The following VPS8 variants were observed in gnomAD, a reference collection of about 807,000 sequenced individuals.
The protein encoded by VPS8 is VPS8 subunit of CORVET complex.
VPS8 carries 129 observed loss-of-function variants against 216.4 expected under a neutral mutation model. The ratio of observed to expected loss-of-function variants is 0.60; its 90% CI spans 0.52 to 0.69. VPS8 has a LOEUF of 0.69. VPS8 is among the 30% of genes least tolerant of loss of function. The probability of loss-of-function intolerance (pLI) is 0.00; values close to 1 mark genes in which losing one functional copy is unlikely to be tolerated. For synonymous variants in VPS8, 571 were observed against 565.4 expected (o/e 1.01, Z -0.14); for missense variants, 1,531 against 1,683.5 (o/e 0.91, Z 1.59).
intron 42 of VPS8, among the ~76,000 whole-genome samples, chr3:184,984,213 A>AT (rs1225106871): frequency 6.9e-6 from 1 of 145,674 alleles, no homozygotes; most frequent in Non-Finnish European, 1.5e-5. Context: ...CCCATCTGAT[A>AT]TTAAGCTTCT....
chr3:185,047,270 C>T (rs1713137165), intron 46 of VPS8, among the ~76,000 whole-genome samples: 1 of 152,310 alleles, frequency 6.6e-6, no homozygotes, highest in South Asian at 2.1e-4. Context: ...TTGCAGAGTC[C>T]CGTGCATCTG....
At chr3:184,850,729 A>G (rs750258016) in intron 10 of VPS8, among the ~76,000 whole-genome samples, 6 of 152,216 alleles carry the variant, frequency 3.9e-5, no homozygotes, top group African/African-American at 1.4e-4. Context: ...CAGATCTTCT[A>G]GATTTTAATC....
chr3:184,978,125 T>G (rs920874909), intron 40 of VPS8, among the ~76,000 whole-genome samples: 13 of 152,082 alleles, frequency 8.5e-5, no homozygotes, highest in Admixed American at 7.9e-4. Flanking sequence ...GTTATATTGA[T>G]CTGTTCAGGG....
intron 25 of VPS8, among the ~76,000 whole-genome samples, chr3:184,904,945 A>T (rs1240710895): frequency 6.6e-6 from 1 of 152,230 alleles, no homozygotes; most frequent in African/African-American, 2.4e-5. Flanking sequence ...ACGTCTTACA[A>T]TTCTGGTGCC....
At chr3:184,837,480 A>G (rs1315390850) in intron 5 of VPS8, among the ~76,000 whole-genome samples, 2 of 152,160 alleles carry the variant, frequency 1.3e-5, no homozygotes, top group Admixed American at 1.3e-4. Flanking sequence ...TCAGTCATTT[A>G]TTAACTATGT....
At chr3:184,973,314 T>C (rs1178848223) in intron 40 of VPS8, among the ~76,000 whole-genome samples, 2 of 152,214 alleles carry the variant, frequency 1.3e-5, no homozygotes, top group East Asian at 3.8e-4. Flanking sequence ...ATAATTTTAG[T>C]AAAATTGCAT....
Position 184,863,005 on chromosome 3 carries a change from C to T in VPS8, c.1333C>T (p.Leu445=), listed in dbSNP as rs755820063. The change falls in exon 16 of 48, where the codon CTG becomes TTG. Residue 445 remains leucine (L), a synonymous_variant. Transcript: ENST00000625842. ...LETVEISEVQ[L]VYNSSHFKSL... ...GACAGTGGAGATCTCAGAAGTTCAGCTGGTCTACAATAGCAGCCATTTCAA... is the reference window on the plus strand; with the variant it reads ...GACAGTGGAGATCTCAGAAGTTCAGTTGGTCTACAATAGCAGCCATTTCAA... 2.5e-6 allele frequency: 4 copies of T among 1,612,702 alleles called. No individual in the cohort carries two copies. In the East Asian group the frequency reaches 8.9e-5, roughly 36 times the overall value.
At chr3:184,832,930 A>C in intron 4 of VPS8, 111 bp downstream of exon 4, 1 of 1,307,980 alleles carries the variant, frequency 7.6e-7, no homozygotes, top group Non-Finnish European at 1.0e-6. Context: ...CTTGCATGGG[A>C]AGTAGAAGGG....
intron 36 of VPS8, among the ~76,000 whole-genome samples, chr3:184,948,376 G>T (rs140633470): frequency 3.9e-4 from 60 of 152,146 alleles, no homozygotes; most frequent in African/African-American, 1.4e-3. Context: ...AATTAGCCAG[G>T]CATGGTAGTC....
intron 36 of VPS8, among the ~76,000 whole-genome samples, chr3:184,951,604 G>A (rs1171426974): frequency 6.6e-6 from 1 of 152,180 alleles, no homozygotes; most frequent in Non-Finnish European, 1.5e-5. Context: ...CTGAGTAAGA[G>A]TGGATATGTG....
chr3:185,011,943 G>C (rs1188261741), intron 45 of VPS8, among the ~76,000 whole-genome samples: 1 of 152,098 alleles, frequency 6.6e-6, no homozygotes, highest in African/African-American at 2.4e-5. Context: ...TGAACACATG[G>C]GGAAACGTCA....
At chr3:185,040,294 C>G (rs1328072968) in intron 46 of VPS8, among the ~76,000 whole-genome samples, 2 of 152,184 alleles carry the variant, frequency 1.3e-5, no homozygotes, top group Non-Finnish European at 2.9e-5. Flanking sequence ...TTTTAACAAG[C>G]AGTGTTCTGC....
chr3:185,020,345 A>T (rs745795598), intron 45 of VPS8, among the ~76,000 whole-genome samples: 2 of 152,204 alleles, frequency 1.3e-5, no homozygotes, highest in Non-Finnish European at 2.9e-5. Context: ...AGTGATTCCA[A>T]ATTTTAATAG....
At chr3:185,005,842 G>A (rs570555870) in intron 45 of VPS8, among the ~76,000 whole-genome samples, 70 of 152,116 alleles carry the variant, frequency 4.6e-4, no homozygotes, top group East Asian at 2.9e-3. Flanking sequence ...TGTCATTGGC[G>A]AACAGTGATG....
At chr3:184,855,586 T>TA in intron 13 of VPS8, 125 bp from the exon 14 acceptor site, 1 of 778,302 alleles carries the variant, frequency 1.3e-6, no homozygotes. Flanking sequence ...GTTCTTGCTT[T>TA]ACTGAGAAAT....
intron 42 of VPS8, 23 bp downstream of exon 42, chr3:184,983,117 T>C: frequency 6.5e-7 from 1 of 1,544,724 alleles, no homozygotes; most frequent in Non-Finnish European, 8.8e-7. Flanking sequence ...GGGTGAATAT[T>C]AAATATTGAT....
intron 34 of VPS8, among the ~76,000 whole-genome samples, chr3:184,931,191 G>A (rs368169387): frequency 2.0e-5 from 3 of 152,212 alleles, no homozygotes; most frequent in East Asian, 3.9e-4. Flanking sequence ...GTTTCCTTAT[G>A]TTCATAACAT....
chr3:184,907,275 A>G (rs1178803978), intron 25 of VPS8, among the ~76,000 whole-genome samples: 15 of 152,138 alleles, frequency 9.9e-5, no homozygotes, highest in Admixed American at 9.8e-4. Context: ...GGCTCAGTGA[A>G]TCTGCATTTT....
intron 42 of VPS8, among the ~76,000 whole-genome samples, chr3:184,990,379 A>G (rs939735636): frequency 6.6e-6 from 1 of 152,128 alleles, no homozygotes; most frequent in African/African-American, 2.4e-5. Flanking sequence ...AAAAGCAGAG[A>G]TCGTGTCTCC....
Sources: allele counts gnomAD v4.1 joint callset (sites outside exome capture counted in the v4.1 genomes callset), GRCh38; gene constraint gnomAD v4.1.1; transcripts MANE v1.5; gene names NCBI Gene and HGNC (gene_info 2026-07-23, HGNC 2026-07-21).